ABHD2: variants seen among roughly 807,000 people sequenced by gnomAD.
ABHD2 encodes monoacylglycerol lipase ABHD2.
In ABHD2, 20 loss-of-function variants were observed where a neutral mutation model predicts 48.1. That is an observed-to-expected ratio of 0.42 (90% CI 0.29 to 0.60). The LOEUF (loss-of-function observed/expected upper bound fraction) is 0.60, where lower values mean the gene tolerates loss of function less well. Ranked by LOEUF, ABHD2 falls within the 20% of genes least tolerant of loss-of-function variation. The pLI is 0.24. For synonymous variants in ABHD2, 209 were observed against 214.2 expected (o/e 0.98, Z 0.21); for missense variants, 405 against 550.9 (o/e 0.74, Z 2.65).
the ABHD2 span, among the ~76,000 whole-genome samples, chr15:89,055,001 G>T: frequency 2.8e-3 from 425 of 152,214 alleles, 2 homozygotes; most frequent in African/African-American, 9.4e-3. Context: ...TGAGGTTGGA[G>T]GATCACTTGA....
chr15:89,047,317 G>C, the ABHD2 span, among the ~76,000 whole-genome samples: 3 of 150,496 alleles, frequency 2.0e-5, no homozygotes, highest in African/African-American at 7.3e-5. Flanking sequence ...TTACTTCCAA[G>C]TATGTGGTCA....
chr15:89,090,992 A>C (rs1025675942), intron 1 of ABHD2, among the ~76,000 whole-genome samples: 2 of 152,246 alleles, frequency 1.3e-5, no homozygotes, highest in African/African-American at 2.4e-5. Context: ...CCGTGCTGGC[A>C]ATCTAGCTGG....
intron 3 of ABHD2, among the ~76,000 whole-genome samples, chr15:89,128,764 T>G (rs939302207): frequency 6.6e-6 from 1 of 152,084 alleles, no homozygotes; most frequent in African/African-American, 2.4e-5. Context: ...GCTGTTTGAT[T>G]GTAGCAGAGA....
the ABHD2 span, among the ~76,000 whole-genome samples, chr15:89,077,783 T>C: frequency 6.6e-6 from 1 of 152,210 alleles, no homozygotes; most frequent in African/African-American, 2.4e-5. Flanking sequence ...TCCTGCCAAG[T>C]TTCATTCTCC....
the ABHD2 span, among the ~76,000 whole-genome samples, chr15:89,070,864 T>C: frequency 2.1e-3 from 315 of 152,262 alleles, 1 homozygote; most frequent in East Asian, 0.02. Flanking sequence ...GTCCTGCCCC[T>C]GGAGGAAGGG....
rs930196577 is a variant in ABHD2, at chr15:89,195,650, T to A, written c.*227T>A. 2.1e-6 allele frequency: 1 copy of A among 479,908 alleles called. No individual in the cohort carries two copies. The highest frequency in any genetic ancestry group is 2.0e-5 in the African/African-American group (1 of 50,406). 29.7% of individuals were successfully genotyped at this position (479,908 alleles called of 1,614,324 possible). On this transcript the variant is annotated 3_prime_UTR_variant, in exon 11 of 11. Transcript: ENST00000352732. This position sits in a 1 kb window ranked among gnomAD's most constrained non-coding sequence, Gnocchi z 5.1. ...TTCTCCATTGCATTGTTAGGCATGG[T>A]GACAAGTGACAGAGTTCTTGCCCTC...
intron 3 of ABHD2, among the ~76,000 whole-genome samples, chr15:89,134,406 C>T (rs984767992): frequency 6.6e-6 from 1 of 152,146 alleles, no homozygotes; most frequent in African/African-American, 2.4e-5. Flanking sequence ...CATCTTTACC[C>T]CATTATTCAA....
chr15:89,075,706 C>T, the ABHD2 span, among the ~76,000 whole-genome samples: 1 of 152,116 alleles, frequency 6.6e-6, no homozygotes, highest in East Asian at 1.9e-4. The surrounding 1 kb of genome is among the most constrained non-coding windows in gnomAD (Gnocchi z 4.1). Context: ...ACAGCCCTGG[C>T]AGCAACTCAA....
intron 9 of ABHD2, among the ~76,000 whole-genome samples, chr15:89,192,908 T>G (rs2051330765): frequency 6.6e-6 from 1 of 152,162 alleles, no homozygotes; most frequent in South Asian, 2.1e-4. Flanking sequence ...CATTTTCCGC[T>G]CCCATGATAT....
rs1422145730 is a variant in ABHD2, at chr15:89,170,518, G to A, written c.539-5294G>A. Among the ~76,000 whole-genome samples the A allele has an allele frequency of 3.9e-5, 6 of 152,160 alleles. No homozygotes were observed. The East Asian group carries it at 1.2e-3, about 29-fold the overall frequency. On this transcript the variant is annotated intron_variant, in intron 5 of 10. Coordinates refer to ENST00000352732, the MANE Select transcript of ABHD2 (RefSeq NM_152924.5). ...CCAAAATGCTGCAGTGAACATTCTT[G>A]CATGTACATGTTTACATACATATGC... is the stretch of plus-strand genomic sequence containing the variant.
intron 3 of ABHD2, among the ~76,000 whole-genome samples, chr15:89,128,976 A>C (rs1209406649): frequency 6.6e-6 from 1 of 152,122 alleles, no homozygotes; most frequent in Non-Finnish European, 1.5e-5. Context: ...CATCAGAGGA[A>C]AGGGCTGAAT....
At position 89,185,370 on chromosome 15, in the gene ABHD2, T is replaced by G; in HGVS notation, c.723-54T>G. 1 of 1,491,428 alleles carries G rather than the reference T, an allele frequency of 6.7e-7. No individual in the cohort carries two copies. Among genetic ancestry groups the G allele is most frequent in the Non-Finnish European group, 9.3e-7 (1 of 1,071,822 alleles). The allele number at this position is 1,491,428 out of a possible 1,614,324, so 92.4% of individuals were successfully genotyped here. A position where few individuals can be genotyped will look rare whatever the true frequency, so the allele number is the denominator to read the frequency against. ...CCCATGGCTAGAGCCCCCTCCTGGC[T>G]GCCCGCCTGCACCCCCACACCGCAG... On this transcript the variant is annotated intron_variant, in intron 6 of 10. Coordinates refer to ENST00000352732, the MANE Select transcript of ABHD2 (RefSeq NM_152924.5). The surrounding 1 kb of genome is among the most constrained non-coding windows in gnomAD (Gnocchi z 5.9).
chr15:89,052,554 G>GAC, the ABHD2 span, among the ~76,000 whole-genome samples: 3 of 118,630 alleles, frequency 2.5e-5, no homozygotes, highest in African/African-American at 8.0e-5. Flanking sequence ...CAGACAGACA[G>GAC]ACAGACACAC....
chr15:89,125,628 G>A (rs1455981880), intron 3 of ABHD2, among the ~76,000 whole-genome samples: 1 of 152,146 alleles, frequency 6.6e-6, no homozygotes, highest in Non-Finnish European at 1.5e-5. Context: ...TCAGGACTGG[G>A]GCATGGGACT....
At chr15:89,062,967 C>CTTTTTTTTTTTTTTTT in the ABHD2 span, among the ~76,000 whole-genome samples, 1 of 129,404 alleles carries the variant, frequency 7.7e-6, no homozygotes. Flanking sequence ...ATTGCTGCTG[C>CTTTTTTTTTTTTTTTT]TTTTTTTTTT....
Position 89,188,180 on chromosome 15 carries a change from G to A in ABHD2, c.816-13G>A, listed in dbSNP as rs2051243319. On this transcript the variant is annotated splice_polypyrimidine_tract_variant and intron_variant, in intron 7 of 10. Transcript: ENST00000352732. This position sits in a 1 kb window ranked among gnomAD's most constrained non-coding sequence, Gnocchi z 4.1. Reference sequence around the variant, plus strand: ...CACATCTTAATCTCTGTTTGCTTTTGTGTTTGCTCTAGGCAAGCTCTTTTT... The same window carrying A: ...CACATCTTAATCTCTGTTTGCTTTTATGTTTGCTCTAGGCAAGCTCTTTTT... The A allele has an allele frequency of 6.2e-7, 1 of 1,611,402 alleles. No homozygotes were observed. The highest frequency in any genetic ancestry group is 1.1e-5 in the South Asian group (1 of 91,022).
chr15:89,183,378 AAAAAAAATATAT>A (rs1414658301), intron 6 of ABHD2: 3 of 59,550 alleles, frequency 5.0e-5, no homozygotes, highest in African/African-American at 3.5e-4. Context: ...CAAAAAAAAA[AAAAAAAATATAT>A]ATATATATAT....
chr15:89,181,228 CAA>C (rs61411388), intron 6 of ABHD2, among the ~76,000 whole-genome samples: 2 of 69,174 alleles, frequency 2.9e-5, no homozygotes, highest in Non-Finnish European at 2.5e-5. Context: ...GACTCTGTCT[CAA>C]AAAAAAAAAA....
intron 3 of ABHD2, among the ~76,000 whole-genome samples, chr15:89,147,174 A>C (rs574853843): frequency 2.6e-4 from 40 of 152,286 alleles, no homozygotes; most frequent in Non-Finnish European, 5.1e-4. Context: ...GGGAAACGAT[A>C]GGCCATTCAT....
Sources: allele counts gnomAD v4.1 joint callset (sites outside exome capture counted in the v4.1 genomes callset), GRCh38; gene constraint gnomAD v4.1.1; non-coding constraint Gnocchi (gnomAD v3.1); transcripts MANE v1.5; gene names NCBI Gene and HGNC (gene_info 2026-07-23, HGNC 2026-07-21).